Variants in SNX8 observed in about 807,000 individuals in gnomAD.
SNX8 encodes sorting nexin-8.
A neutral mutation model predicts 51.6 loss-of-function variants in SNX8; 25 were observed. The ratio of observed to expected loss-of-function variants is 0.48; its 90% CI spans 0.35 to 0.68. The LOEUF (loss-of-function observed/expected upper bound fraction) is 0.68. SNX8 is among the 30% of genes least tolerant of loss of function. The probability of loss-of-function intolerance (pLI) is 0.00; values close to 1 mark genes in which losing one functional copy is unlikely to be tolerated. For synonymous variants in SNX8, 324 were observed against 277.0 expected (o/e 1.17, Z -1.68); for missense variants, 695 against 624.0 (o/e 1.11, Z -1.21).
At chr7:2,313,020 C>A (rs1584732964) in intron 1 of SNX8, among the ~76,000 whole-genome samples, 1 of 152,206 alleles carries the variant, frequency 6.6e-6, no homozygotes, top group East Asian at 2.0e-4. Flanking sequence ...GCCTCAGCCT[C>A]CCGAGTAGCT....
At chr7:2,322,026 A>G (rs1204874420) in intron 1 of SNX8, among the ~76,000 whole-genome samples, 1 of 152,094 alleles carries the variant, frequency 6.6e-6, no homozygotes, top group Non-Finnish European at 1.5e-5. Context: ...CCCGGCCTCG[A>G]ATTTCTCAAT....
intron 3 of SNX8, 54 bp downstream of exon 3, chr7:2,275,058 C>T: frequency 1.6e-6 from 2 of 1,224,724 alleles, no homozygotes; most frequent in Non-Finnish European, 2.4e-6. Flanking sequence ...ACCACAGGGT[C>T]CAGGAGATGG....
intron 1 of SNX8, among the ~76,000 whole-genome samples, chr7:2,302,526 C>T (rs1302784374): frequency 1.3e-5 from 2 of 152,232 alleles, no homozygotes; most frequent in South Asian, 2.1e-4. Flanking sequence ...GCCACCACCC[C>T]GTCTGGGAAG....
chr7:2,340,071 T>C (rs988194716), intron 1 of SNX8, among the ~76,000 whole-genome samples: 1 of 152,004 alleles, frequency 6.6e-6, no homozygotes, highest in Non-Finnish European at 1.5e-5. Flanking sequence ...AAAACTTTTT[T>C]TTTTTTTTTG....
chr7:2,340,547 A>G (rs909898045), intron 1 of SNX8, among the ~76,000 whole-genome samples: 2 of 151,464 alleles, frequency 1.3e-5, no homozygotes, highest in African/African-American at 2.4e-5. Context: ...TACTGCATGC[A>G]TACTTTAGTT....
At chr7:2,273,900 T>C (rs1795710863) in intron 3 of SNX8, among the ~76,000 whole-genome samples, 2 of 147,490 alleles carry the variant, frequency 1.4e-5, no homozygotes, top group African/African-American at 2.5e-5. Flanking sequence ...CGAGACTCCA[T>C]GTAAAAAAAA....
At chr7:2,348,265 GCCTGCACGCTCCAC>G (rs1352146629) in intron 1 of SNX8, among the ~76,000 whole-genome samples, 1 of 150,622 alleles carries the variant, frequency 6.6e-6, no homozygotes, top group East Asian at 1.9e-4. Flanking sequence ...TCCCCCTCTA[GCCTGCACGCTCCAC>G]CCAGGAAGGA....
intron 1 of SNX8, among the ~76,000 whole-genome samples, chr7:2,295,736 T>C (rs955817475): frequency 2.6e-5 from 4 of 152,152 alleles, no homozygotes; most frequent in Non-Finnish European, 5.9e-5. Context: ...GGTCTTAGAT[T>C]TAAGTCTTGA....
At chr7:2,301,645 G>C (rs563520988) in intron 1 of SNX8, among the ~76,000 whole-genome samples, 22 of 152,308 alleles carry the variant, frequency 1.4e-4, no homozygotes, top group South Asian at 2.1e-4. Flanking sequence ...GGGTTGTCCA[G>C]TCATTGTCAT....
chr7:2,263,265 C>G lies in SNX8; in HGVS notation c.880G>C (p.Glu294Gln). 6.2e-7 allele frequency: 1 copy of G among 1,613,974 alleles called. No individual in the cohort carries two copies. The highest frequency in any genetic ancestry group is 1.1e-5 in the South Asian group (1 of 91,084). The change falls in exon 7 of 11, where the codon GAA becomes CAA. Residue 294 changes from glutamate (E) to glutamine (Q), a missense_variant. Coordinates refer to ENST00000222990, the MANE Select transcript of SNX8 (RefSeq NM_013321.4). ...GCCTTGTCGGCGAGCAGCGCGAATTCCACAGACAGGCCTTTCAGAGCCTGC... is the reference window on the plus strand; with the variant it reads ...GCCTTGTCGGCGAGCAGCGCGAATTGCACAGACAGGCCTTTCAGAGCCTGC... ...LKQALKGLSV[E>Q]FALLADKAAQ...
intron 1 of SNX8, among the ~76,000 whole-genome samples, chr7:2,299,899 C>G (rs1796354813): frequency 6.6e-6 from 1 of 152,066 alleles, no homozygotes. Context: ...CATAATGGGC[C>G]AAGTGAGATA....
intron 1 of SNX8, among the ~76,000 whole-genome samples, chr7:2,340,060 C>T (rs1778892857): frequency 6.7e-6 from 1 of 149,408 alleles, no homozygotes; most frequent in African/African-American, 2.5e-5. Context: ...AGCTAGGCTA[C>T]AAAACTTTTT....
Position 2,314,439 on chromosome 7 carries a change from C to A in SNX8, c.-18G>T. On this transcript the variant is annotated 5_prime_UTR_variant, in exon 1 of 11. Transcript: ENST00000222990. ...CCAGTCATGTGAGCCCGCGCTCCCACGTGACTTCCTCCCGCGCCACCCGGC... is the reference window on the plus strand; with the variant it reads ...CCAGTCATGTGAGCCCGCGCTCCCAAGTGACTTCCTCCCGCGCCACCCGGC... The A allele has an allele frequency of 8.3e-7, 1 of 1,210,008 alleles. No individual in the cohort carries two copies. Among genetic ancestry groups the A allele is most frequent in the Non-Finnish European group, 1.0e-6 (1 of 973,764 alleles). 75.0% of individuals were successfully genotyped at this position (1,210,008 alleles called of 1,614,324 possible). A position where few individuals can be genotyped will look rare whatever the true frequency, so the allele number is the denominator to read the frequency against.
At position 2,252,677 on chromosome 7, in the gene SNX8, C is replaced by G. The variant is rs569766247; in HGVS notation, c.*2379G>C. 1.5e-5 allele frequency: 2 copies of G among 137,668 alleles called. No individual in the cohort carries two copies. The highest frequency in any genetic ancestry group is 3.2e-5 in the Non-Finnish European group (2 of 62,714). The allele number at this position is 137,668 out of a possible 1,614,324, so 8.5% of individuals were successfully genotyped here. On this transcript the variant is annotated 3_prime_UTR_variant, in exon 11 of 11. Transcript: ENST00000222990. The stretch of plus-strand genomic sequence containing the variant: ...TCCCACCCCTGCCTTCCTGCCCCCC[C>G]ACCTCCCTCCTGCCTTCCCACCCCT...
At chr7:2,350,033 A>G (rs1443931391) in intron 1 of SNX8, among the ~76,000 whole-genome samples, 1 of 151,732 alleles carries the variant, frequency 6.6e-6, no homozygotes, top group African/African-American at 2.4e-5. Context: ...GATCTCTACC[A>G]CCCGGTTCAT....
At chr7:2,279,438 G>A (rs918442685) in intron 1 of SNX8, among the ~76,000 whole-genome samples, 3 of 152,068 alleles carry the variant, frequency 2.0e-5, no homozygotes, top group Non-Finnish European at 2.9e-5. Context: ...TCGACGCTGC[G>A]GGCACGTCCT....
At chr7:2,327,687 G>A (rs1412771107) in intron 1 of SNX8, among the ~76,000 whole-genome samples, 8 of 149,482 alleles carry the variant, frequency 5.4e-5, no homozygotes, top group East Asian at 2.0e-4. Context: ...GATTACAGGC[G>A]TGAGCCATCG....
At chr7:2,293,187 G>A (rs1346202904) in intron 1 of SNX8, among the ~76,000 whole-genome samples, 2 of 149,044 alleles carry the variant, frequency 1.3e-5, no homozygotes, top group African/African-American at 2.5e-5. Flanking sequence ...AGGATCACAT[G>A]AGCGCAGGTC....
chr7:2,325,539 AAT>A (rs1313586190), intron 1 of SNX8, among the ~76,000 whole-genome samples: 2 of 152,102 alleles, frequency 1.3e-5, no homozygotes, highest in African/African-American at 4.8e-5. Context: ...TGTAATGAGG[AAT>A]ATCAGGCCAG....
Sources: allele counts gnomAD v4.1 joint callset (sites outside exome capture counted in the v4.1 genomes callset), GRCh38; gene constraint gnomAD v4.1.1; transcripts MANE v1.5; gene names NCBI Gene and HGNC (gene_info 2026-07-23, HGNC 2026-07-21).